RAB3C: variants seen among roughly 807,000 people sequenced by gnomAD.
RAB3C encodes the protein RAB3C, member RAS oncogene family, also known as ras-related protein Rab-3C.
RAB3C carries 17 observed loss-of-function variants against 26.4 expected under a neutral mutation model. The ratio of observed to expected loss-of-function variants is 0.64; its 90% confidence interval spans 0.44 to 0.97. The LOEUF (loss-of-function observed/expected upper bound fraction) is 0.97, where lower values mean the gene tolerates loss of function less well. Ranked by LOEUF, RAB3C falls within the 50% of genes least tolerant of loss-of-function variation. The probability of loss-of-function intolerance (pLI) is 0.00; values close to 1 mark genes in which losing one functional copy is unlikely to be tolerated. For synonymous variants in RAB3C, 91 were observed against 95.9 expected, an observed-to-expected ratio of 0.95 and a Z score of 0.30; for missense variants, 242 against 281.9, an observed-to-expected ratio of 0.86 and a Z score of 1.01.
At chr5:58,742,937 G>A (rs1320764994) in intron 3 of RAB3C, among the ~76,000 whole-genome samples, 2 of 151,856 alleles carry the variant, frequency 1.3e-5, no homozygotes, top group East Asian at 3.9e-4. Flanking sequence ...GATACGGGAG[G>A]GAATGAAAAA....
At chr5:58,776,179 C>T (rs146163489) in intron 3 of RAB3C, among the ~76,000 whole-genome samples, 1 of 152,214 alleles carries the variant, frequency 6.6e-6, no homozygotes, top group Non-Finnish European at 1.5e-5. Flanking sequence ...TCCCTGCTGA[C>T]TTGCTTAATA....
intron 3 of RAB3C, among the ~76,000 whole-genome samples, chr5:58,748,920 G>A (rs1487724545): frequency 1.3e-5 from 2 of 152,090 alleles, no homozygotes; most frequent in Non-Finnish European, 2.9e-5. Context: ...GTTAAGAAGT[G>A]AATTTGCTTT....
At position 58,714,876 on chromosome 5, in the gene RAB3C, C is replaced by G. The variant is rs189970170; in HGVS notation, c.253-11126C>G. Among the ~76,000 whole-genome samples, 424 of 151,370 alleles carry G rather than the reference C, an allele frequency of 2.8e-3. 3 individuals carry two copies. Among genetic ancestry groups the G allele is most frequent in the Middle Eastern group, 0.01 (3 of 290 alleles). ...CATAATCAGACCAAATGTCATAGAA[C>G]AAGATAGTAAATATACAAATAAATA... On this transcript the variant is annotated intron_variant, in intron 2 of 4. Transcript: ENST00000282878.
chr5:58,691,139 A>G (rs1304569212), intron 2 of RAB3C, among the ~76,000 whole-genome samples: 1 of 152,184 alleles, frequency 6.6e-6, no homozygotes, highest in East Asian at 1.9e-4. Flanking sequence ...CTTTCAAGCC[A>G]CTAGTTCATT....
intron 2 of RAB3C, among the ~76,000 whole-genome samples, chr5:58,675,519 T>C (rs752406626): frequency 6.6e-6 from 1 of 152,072 alleles, no homozygotes; most frequent in Non-Finnish European, 1.5e-5. Flanking sequence ...ATGGAAGGCA[T>C]TCAAGCATAG....
chr5:58,696,306 G>T (rs1172718428), intron 2 of RAB3C, among the ~76,000 whole-genome samples: 1 of 152,208 alleles, frequency 6.6e-6, no homozygotes, highest in South Asian at 2.1e-4. Context: ...TTTTTGATGT[G>T]CTGCTGGATT....
chr5:58,760,115 C>T (rs1741766414), intron 3 of RAB3C, among the ~76,000 whole-genome samples: 2 of 152,136 alleles, frequency 1.3e-5, no homozygotes, highest in South Asian at 4.1e-4. Flanking sequence ...ACTAAGGGAC[C>T]ATTGCCATTC....
At chr5:58,745,517 C>A (rs1056296428) in intron 3 of RAB3C, among the ~76,000 whole-genome samples, 1 of 151,866 alleles carries the variant, frequency 6.6e-6, no homozygotes, top group Middle Eastern at 3.2e-3. Context: ...CCTGATACTT[C>A]CATTCTTCCA....
intron 2 of RAB3C, among the ~76,000 whole-genome samples, chr5:58,642,941 A>G (rs573845252): frequency 8.5e-5 from 13 of 152,346 alleles, no homozygotes; most frequent in African/African-American, 2.9e-4. Flanking sequence ...GCAATTTATA[A>G]TAGGGATCTT....
chr5:58,729,785 T>C (rs957126955), intron 3 of RAB3C, among the ~76,000 whole-genome samples: 1 of 146,796 alleles, frequency 6.8e-6, no homozygotes, highest in African/African-American at 2.5e-5. Context: ...ACTATATGTA[T>C]ATTTATATTA....
chr5:58,712,643 G>T (rs1749085643), intron 2 of RAB3C, among the ~76,000 whole-genome samples: 1 of 152,026 alleles, frequency 6.6e-6, no homozygotes, highest in Non-Finnish European at 1.5e-5. Context: ...TCCTACCTCA[G>T]CCTCCCAAGT....
intron 3 of RAB3C, among the ~76,000 whole-genome samples, chr5:58,734,584 T>C (rs536025575): frequency 6.6e-6 from 1 of 152,302 alleles, no homozygotes; most frequent in Non-Finnish European, 1.5e-5. Context: ...CTCAAATTTA[T>C]ATTTAGAAAA....
chr5:58,633,286 C>T (rs1037629974), intron 2 of RAB3C, among the ~76,000 whole-genome samples: 15 of 152,168 alleles, frequency 9.9e-5, no homozygotes, highest in African/African-American at 3.4e-4. Flanking sequence ...CCTACAGACA[C>T]ATCTCTGGCA....
Position 58,825,047 on chromosome 5 carries a change from A to G in RAB3C, c.381A>G (p.Gln127=). 6.2e-7 allele frequency: 1 copy of G among 1,607,782 alleles called. No homozygotes were observed. The highest frequency in any genetic ancestry group is 8.5e-7 in the Non-Finnish European group (1 of 1,176,662). ...CTTCTTTTTCTTTTAGGTCAACTCAAATCAAAACATACTCTTGGGACAATG... is the reference window on the plus strand; with the variant it reads ...CTTCTTTTTCTTTTAGGTCAACTCAGATCAAAACATACTCTTGGGACAATG... ...SFNAVQDWST[Q]IKTYSWDNAQ... The change falls in exon 4 of 5, where the codon CAA becomes CAG. Residue 127 remains glutamine, a synonymous_variant. Transcript: ENST00000282878.
chr5:58,644,859 C>T (rs1747486395), intron 2 of RAB3C, among the ~76,000 whole-genome samples: 1 of 152,176 alleles, frequency 6.6e-6, no homozygotes, highest in African/African-American at 2.4e-5. Context: ...TGGGCCACAG[C>T]AGGAGGACTG....
At chr5:58,725,431 G>T (rs1420643643) in intron 2 of RAB3C, among the ~76,000 whole-genome samples, 2 of 151,730 alleles carry the variant, frequency 1.3e-5, no homozygotes, top group South Asian at 2.1e-4. Flanking sequence ...AATCTGTTTG[G>T]TATTCCCTGA....
chr5:58,686,667 AACACACACACATAC>A (rs1047443732), intron 2 of RAB3C, among the ~76,000 whole-genome samples: 33 of 149,354 alleles, frequency 2.2e-4, no homozygotes, highest in East Asian at 3.9e-4. Context: ...CTCACACACA[AACACACACACATAC>A]ACACACACAC....
chr5:58,702,561 T>C (rs898529481), intron 2 of RAB3C, among the ~76,000 whole-genome samples: 16 of 146,502 alleles, frequency 1.1e-4, no homozygotes, highest in Non-Finnish European at 1.6e-4. Flanking sequence ...TAGTCTCTCA[T>C]TCTCCTTTCT....
At chr5:58,627,984 C>A (rs376451551) in intron 2 of RAB3C, among the ~76,000 whole-genome samples, 1 of 151,850 alleles carries the variant, frequency 6.6e-6, no homozygotes, top group South Asian at 2.1e-4. Context: ...GGTGAAACCC[C>A]GTCTCTACTA....
Sources: gnomAD v4.1 joint callset for allele counts (sites outside exome capture counted in the v4.1 genomes callset) on GRCh38, gnomAD v4.1.1 for gene constraint, MANE v1.5 for transcripts, NCBI Gene and HGNC (gene_info 2026-07-23, HGNC 2026-07-21) for gene names.